PRRX1: variants seen among roughly 807,000 people sequenced by gnomAD.
PRRX1 encodes paired mesoderm homeobox protein 1.
In PRRX1, 8 loss-of-function variants were observed where a neutral mutation model predicts 24.0. The ratio of observed to expected loss-of-function variants is 0.33; its 90% CI spans 0.20 to 0.60. The LOEUF is 0.60. PRRX1 is among the 20% of genes least tolerant of loss of function. The probability of loss-of-function intolerance (pLI) is 0.82; values close to 1 mark genes in which losing one functional copy is unlikely to be tolerated. For synonymous variants in PRRX1, 160 were observed against 131.7 expected (o/e 1.22, Z -1.47); for missense variants, 281 against 322.4 (o/e 0.87, Z 0.98).
chr1:170,689,470 G>T (rs1489507110), intron 1 of PRRX1, among the ~76,000 whole-genome samples: 3 of 152,154 alleles, frequency 2.0e-5, no homozygotes, highest in Non-Finnish European at 2.9e-5. Context: ...ATGTGGGAAG[G>T]TAGTCCATGG....
At chr1:170,729,150 A>G (rs1422404404) in intron 3 of PRRX1, 3 of 152,234 alleles carry the variant, frequency 2.0e-5, no homozygotes, top group Non-Finnish European at 4.4e-5. Context: ...CAACATGTTA[A>G]GCCACACGAC....
chr1:170,666,139 G>A (rs555437430), intron 1 of PRRX1, among the ~76,000 whole-genome samples: 1 of 152,332 alleles, frequency 6.6e-6, no homozygotes, highest in East Asian at 1.9e-4. Flanking sequence ...TGTAGGGAGA[G>A]TCCAGGCGCG....
intron 1 of PRRX1, among the ~76,000 whole-genome samples, chr1:170,700,086 G>T (rs1442100319): frequency 2.6e-5 from 4 of 152,098 alleles, no homozygotes; most frequent in African/African-American, 9.7e-5. Context: ...TATTGATGGG[G>T]TTACAAACTT....
At chr1:170,723,886 A>G (rs968233912) in intron 2 of PRRX1, among the ~76,000 whole-genome samples, 4 of 152,212 alleles carry the variant, frequency 2.6e-5, no homozygotes, top group Non-Finnish European at 4.4e-5. Flanking sequence ...ATCTAATCAT[A>G]TCAAATAGCA....
chr1:170,675,561 G>C (rs972299609), intron 1 of PRRX1, among the ~76,000 whole-genome samples: 1 of 152,134 alleles, frequency 6.6e-6, no homozygotes, highest in African/African-American at 2.4e-5. Flanking sequence ...GTATACGTAA[G>C]ATAGTGACAT....
intron 1 of PRRX1, among the ~76,000 whole-genome samples, chr1:170,669,960 C>G (rs1213342180): frequency 6.6e-6 from 1 of 152,172 alleles, no homozygotes; most frequent in Non-Finnish European, 1.5e-5. Context: ...TTTTGGGGGT[C>G]AGAGTATCCT....
intron 1 of PRRX1, among the ~76,000 whole-genome samples, chr1:170,690,477 C>G (rs960785165): frequency 1.3e-5 from 2 of 151,980 alleles, no homozygotes; most frequent in Non-Finnish European, 2.9e-5. Context: ...TCCTTTGAAC[C>G]CTTCAGGTGT....
chr1:170,727,867 C>T (rs1409597637), intron 3 of PRRX1: 3 of 152,168 alleles, frequency 2.0e-5, no homozygotes, highest in Non-Finnish European at 4.4e-5. Flanking sequence ...ATAAGATTTA[C>T]TACAAATACA....
At chr1:170,691,550 C>T (rs1316126099) in intron 1 of PRRX1, among the ~76,000 whole-genome samples, 1 of 147,650 alleles carries the variant, frequency 6.8e-6, no homozygotes, top group African/African-American at 2.5e-5. Context: ...TTCCTTCCTC[C>T]CTCCCTCCTT....
rs1246711423 is a variant in PRRX1 at position 170,738,228 on chromosome 1, G to A, written c.*2042G>A. ...GTCTGAGTGACAGGCAAGGATTTTT[G>A]GGTTTAAGATGCACTTTTAGCACAC... On this transcript the variant is annotated 3_prime_UTR_variant, in exon 4 of 4. Transcript: ENST00000239461. The A allele has an allele frequency of 4.5e-6, 1 of 224,590 alleles. No individual in the cohort carries two copies. Among genetic ancestry groups the A allele is most frequent in the Non-Finnish European group, 8.9e-6 (1 of 112,314 alleles). The allele number at this position is 224,590 out of a possible 1,614,324, so 13.9% of individuals were successfully genotyped here. A position where few individuals can be genotyped will look rare whatever the true frequency, so the allele number is the denominator to read the frequency against.
chr1:170,666,906 C>A (rs1012353493), intron 1 of PRRX1, among the ~76,000 whole-genome samples: 3 of 152,038 alleles, frequency 2.0e-5, no homozygotes, highest in African/African-American at 7.2e-5. Flanking sequence ...AGGCGACGCG[C>A]GGTGGCTGGG....
intron 1 of PRRX1, among the ~76,000 whole-genome samples, chr1:170,702,352 T>G (rs1216632260): frequency 1.3e-5 from 2 of 152,156 alleles, no homozygotes; most frequent in Admixed American, 1.3e-4. Flanking sequence ...ATTTTGTATC[T>G]GTTATTAACC....
intron 1 of PRRX1, among the ~76,000 whole-genome samples, chr1:170,704,476 G>T (rs1654495304): frequency 6.6e-6 from 1 of 152,180 alleles, no homozygotes; most frequent in Admixed American, 6.5e-5. Context: ...GTTAAGTAGG[G>T]TACACAAGAT....
At chr1:170,689,839 CCTCTCTCTCTCTCTCTCT>C (rs71559512) in intron 1 of PRRX1, among the ~76,000 whole-genome samples, 2 of 91,644 alleles carry the variant, frequency 2.2e-5, no homozygotes, top group Non-Finnish European at 4.7e-5. Flanking sequence ...TCTCTCTCTC[CCTCTCTCTCTCTCTCTCT>C]CTCTCTCTCT....
chr1:170,707,164 T>C (rs779376017), intron 1 of PRRX1, among the ~76,000 whole-genome samples: 4 of 151,730 alleles, frequency 2.6e-5, no homozygotes, highest in African/African-American at 2.4e-5. Flanking sequence ...AATACCTGGA[T>C]GTCTCTAGGA....
At chr1:170,675,482 A>T (rs1653288886) in intron 1 of PRRX1, among the ~76,000 whole-genome samples, 1 of 152,160 alleles carries the variant, frequency 6.6e-6, no homozygotes, top group Admixed American at 6.5e-5. Flanking sequence ...AGGCTCATGC[A>T]TGCTTTTTGA....
chr1:170,687,902 G>C (rs1295963215), intron 1 of PRRX1, among the ~76,000 whole-genome samples: 2 of 152,072 alleles, frequency 1.3e-5, no homozygotes, highest in Non-Finnish European at 2.9e-5. Context: ...AGAGCAAGTG[G>C]CCAAATACTT....
chr1:170,731,160 A>G (rs1182103750), intron 3 of PRRX1, among the ~76,000 whole-genome samples: 3 of 152,240 alleles, frequency 2.0e-5, no homozygotes, highest in Non-Finnish European at 4.4e-5. Flanking sequence ...ATCTCTTTTT[A>G]AAAGTAAATT....
chr1:170,734,027 C>CAGTGGTTGA (rs2101927883), intron 3 of PRRX1, among the ~76,000 whole-genome samples: 2 of 152,204 alleles, frequency 1.3e-5, no homozygotes, highest in East Asian at 3.9e-4. Context: ...CCTTGGTAGG[C>CAGTGGTTGA]AGTGGTTGAA....
Sources: gnomAD v4.1 joint callset for allele counts (sites outside exome capture counted in the v4.1 genomes callset) on GRCh38, gnomAD v4.1.1 for gene constraint, MANE v1.5 for transcripts, NCBI Gene and HGNC (gene_info 2026-07-23, HGNC 2026-07-21) for gene names.